Variants in PRTFDC1 observed in about 807,000 individuals in gnomAD.
PRTFDC1 encodes the protein phosphoribosyltransferase domain-containing protein 1.
A neutral mutation model predicts 34.6 loss-of-function variants in PRTFDC1; 38 were observed. That is an observed-to-expected ratio of 1.10 (90% CI 0.85 to 1.44). The LOEUF is 1.44. PRTFDC1 is among the 40% of genes most tolerant of loss of function. PRTFDC1 has a pLI of 0.00. For missense variants in PRTFDC1, 270 were observed against 283.0 expected (o/e 0.95, Z 0.33); for synonymous variants, 93 against 98.1 (o/e 0.95, Z 0.31).
chr10:24,935,329 G>A (rs1849033046), intron 3 of PRTFDC1, among the ~76,000 whole-genome samples: 1 of 152,168 alleles, frequency 6.6e-6, no homozygotes, highest in Non-Finnish European at 1.5e-5. Context: ...GAAGCACAGG[G>A]ATTTAACCCA....
chr10:24,871,949 C>T (rs750634814), intron 4 of PRTFDC1, 49 bp downstream of exon 4: 8 of 1,506,900 alleles, frequency 5.3e-6, no homozygotes, highest in Admixed American at 5.3e-5. Context: ...TGCAGGTCAC[C>T]GATGCCCCCA....
At chr10:24,902,917 C>T (rs928222167) in intron 3 of PRTFDC1, among the ~76,000 whole-genome samples, 1 of 152,164 alleles carries the variant, frequency 6.6e-6, no homozygotes, top group African/African-American at 2.4e-5. Context: ...AATATAGGGG[C>T]CAGATGCAGT....
At chr10:24,950,530 T>G (rs906461676) in intron 1 of PRTFDC1, among the ~76,000 whole-genome samples, 6 of 152,150 alleles carry the variant, frequency 3.9e-5, no homozygotes, top group Admixed American at 1.3e-4. Context: ...GTTTAAAAGA[T>G]TCTCCCTACT....
chr10:24,897,517 C>T (rs1162099687), intron 3 of PRTFDC1, among the ~76,000 whole-genome samples: 2 of 152,098 alleles, frequency 1.3e-5, no homozygotes, highest in African/African-American at 2.4e-5. Flanking sequence ...GGCAGGAAAC[C>T]CTGTTAGCAT....
intron 4 of PRTFDC1, among the ~76,000 whole-genome samples, chr10:24,866,906 AAG>A (rs931801587): frequency 5.9e-5 from 9 of 151,986 alleles, no homozygotes; most frequent in East Asian, 5.8e-4. Flanking sequence ...GAGAGAAAGA[AAG>A]AGAACAAAAA....
At position 24,857,046 on chromosome 10, in the gene PRTFDC1, T is replaced by A. The variant is rs376759732; in HGVS notation, c.424-51A>T. The A allele has an allele frequency of 4.1e-6, 6 of 1,452,136 alleles. 1 individual carries two copies. Among genetic ancestry groups the A allele is most frequent in the Non-Finnish European group, 5.8e-6 (6 of 1,032,606 alleles). 90.0% of individuals were successfully genotyped at this position (1,452,136 alleles called of 1,614,324 possible). On this transcript the variant is annotated intron_variant, in intron 5 of 8. Coordinates refer to ENST00000320152, the MANE Select transcript of PRTFDC1 (RefSeq NM_020200.7). ...AACAAAATGCATTTGAGCAGCACAATAGACTTTTCACCCAGGGAGATACTC... is the reference window on the plus strand; with the variant it reads ...AACAAAATGCATTTGAGCAGCACAAAAGACTTTTCACCCAGGGAGATACTC...
chr10:24,882,385 G>A (rs979563562), intron 3 of PRTFDC1, among the ~76,000 whole-genome samples: 4 of 151,996 alleles, frequency 2.6e-5, no homozygotes, highest in African/African-American at 9.7e-5. Flanking sequence ...AATTGCCGAT[G>A]GAATGAAAAC....
intron 4 of PRTFDC1, among the ~76,000 whole-genome samples, chr10:24,858,970 T>G (rs1265187727): frequency 6.6e-6 from 1 of 152,152 alleles, no homozygotes; most frequent in Non-Finnish European, 1.5e-5. Flanking sequence ...GGTTAGATTC[T>G]TTGCAACAAG....
intron 4 of PRTFDC1, among the ~76,000 whole-genome samples, chr10:24,870,947 C>T (rs1847858437): frequency 6.6e-6 from 1 of 151,724 alleles, no homozygotes; most frequent in Non-Finnish European, 1.5e-5. Flanking sequence ...TGGCAGGTGC[C>T]TGTAATCCCA....
chr10:24,888,051 T>C (rs1848199542), intron 3 of PRTFDC1, among the ~76,000 whole-genome samples: 1 of 152,170 alleles, frequency 6.6e-6, no homozygotes, highest in Admixed American at 6.5e-5. Context: ...TTTTTGTATC[T>C]CTATAGAGAC....
In PRTFDC1 at chr10:24,885,654, C is replaced by T. The variant is rs534712229; in HGVS notation, c.340-13591G>A. Among the ~76,000 whole-genome samples, 9 of 152,326 alleles carry T rather than the reference C, an allele frequency of 5.9e-5. No individual in the cohort carries two copies. The East Asian group carries it at 1.5e-3, about 26-fold the overall frequency. On this transcript the variant is annotated intron_variant, in intron 3 of 8. Coordinates refer to ENST00000320152, the MANE Select transcript of PRTFDC1 (RefSeq NM_020200.7). ...CTCCTGACCTCAAGTGATCTGCCTG[C>T]CTCGGCTTCCCAAGTGCTGGGATTA...
intron 3 of PRTFDC1, among the ~76,000 whole-genome samples, chr10:24,893,290 TTCTC>T (rs1039233884): frequency 2.0e-5 from 3 of 151,732 alleles, no homozygotes; most frequent in Non-Finnish European, 2.9e-5. Flanking sequence ...CTCTCTCTCT[TTCTC>T]TCTTTCTTTC....
At chr10:24,866,550 A>G (rs1847781479) in intron 4 of PRTFDC1, among the ~76,000 whole-genome samples, 1 of 152,144 alleles carries the variant, frequency 6.6e-6, no homozygotes, top group African/African-American at 2.4e-5. Context: ...ATCTTACTTT[A>G]ATAGATACAC....
chr10:24,850,538 G>A (rs753904265), intron 8 of PRTFDC1, among the ~76,000 whole-genome samples: 13 of 152,104 alleles, frequency 8.5e-5, no homozygotes, highest in East Asian at 1.9e-4. Context: ...AGGCTGAGGC[G>A]GGAGGATCGC....
At chr10:24,862,149 G>T (rs1457067560) in intron 4 of PRTFDC1, among the ~76,000 whole-genome samples, 1 of 151,936 alleles carries the variant, frequency 6.6e-6, no homozygotes, top group Admixed American at 6.6e-5. Flanking sequence ...ATAGATTAAA[G>T]GTATCATGAA....
chr10:24,868,594 C>T (rs1408467434), intron 4 of PRTFDC1, among the ~76,000 whole-genome samples: 9 of 152,078 alleles, frequency 5.9e-5, no homozygotes, highest in Non-Finnish European at 1.3e-4. Flanking sequence ...CAGGTGTGCA[C>T]CACCATTTTA....
intron 3 of PRTFDC1, among the ~76,000 whole-genome samples, chr10:24,874,849 G>C (rs1251762124): frequency 6.6e-6 from 1 of 152,178 alleles, no homozygotes; most frequent in African/African-American, 2.4e-5. Context: ...CATGGGGAGG[G>C]ACCCAGTGGG....
chr10:24,887,261 C>T (rs566794217), intron 3 of PRTFDC1, among the ~76,000 whole-genome samples: 5 of 152,206 alleles, frequency 3.3e-5, no homozygotes, highest in East Asian at 3.9e-4. Context: ...TGAGCCACCG[C>T]GCCCGGCCGT....
chr10:24,874,724 A>G (rs915173739), intron 3 of PRTFDC1, among the ~76,000 whole-genome samples: 1 of 152,188 alleles, frequency 6.6e-6, no homozygotes, highest in African/African-American at 2.4e-5. Context: ...AAGTGTACAA[A>G]CGTGTTTTTT....
Sources: allele counts gnomAD v4.1 joint callset (sites outside exome capture counted in the v4.1 genomes callset), GRCh38; gene constraint gnomAD v4.1.1; transcripts MANE v1.5; gene names NCBI Gene and HGNC (gene_info 2026-07-23, HGNC 2026-07-21).